Variants in PPIH observed in about 807,000 individuals in gnomAD.
PPIH encodes the protein peptidyl-prolyl cis-trans isomerase H.
Under a neutral mutation model 27.6 loss-of-function variants are expected in PPIH, and 16 were observed. The ratio of observed to expected loss-of-function variants is 0.58; its 90% confidence interval spans 0.39 to 0.88. PPIH has a LOEUF of 0.88. PPIH is among the 40% of genes least tolerant of loss of function. The pLI is 0.00. For synonymous variants in PPIH, 63 were observed against 76.1 expected, an observed-to-expected ratio of 0.83 and a Z score of 0.90; for missense variants, 155 against 224.1, an observed-to-expected ratio of 0.69 and a Z score of 1.97.
chr1:42,659,493 A>T lies in PPIH; in HGVS notation c.156-29A>T, dbSNP rs1367150686. On this transcript the variant is annotated intron_variant, in intron 3 of 9. Transcript: ENST00000304979. ...GAAAGGCCTTGTGCTACCTGCTGTCACTCCAAGTCTCTTTCTTTTCGGTTA... is the reference window on the plus strand; with the variant it reads ...GAAAGGCCTTGTGCTACCTGCTGTCTCTCCAAGTCTCTTTCTTTTCGGTTA... 1.9e-6 allele frequency: 3 copies of T among 1,613,878 alleles called. No homozygotes were observed. In the African/African-American group the frequency reaches 4.0e-5, roughly 22 times the overall value.
intron 6 of PPIH, among the ~76,000 whole-genome samples, chr1:42,665,505 A>G (rs1649282806): frequency 6.6e-6 from 1 of 152,190 alleles, no homozygotes; most frequent in Non-Finnish European, 1.5e-5. Flanking sequence ...GTGTCTGGGC[A>G]TTCAGCCCTA....
chr1:42,660,356 G>A (rs1018374465), intron 4 of PPIH, among the ~76,000 whole-genome samples: 16 of 152,096 alleles, frequency 1.1e-4, no homozygotes, highest in Non-Finnish European at 7.4e-5. Flanking sequence ...AATTTATAAC[G>A]AAAATCCTTT....
At chr1:42,677,143 G>A (rs1304244844), downstream of PPIH, among the ~76,000 whole-genome samples, 1 of 152,134 alleles carries the variant, frequency 6.6e-6, no homozygotes, top group African/African-American at 2.4e-5. Context: ...TGGATATGAA[G>A]GTAATTTGTA....
At chr1:42,660,056 C>G (rs904154066) in intron 4 of PPIH, among the ~76,000 whole-genome samples, 2 of 152,184 alleles carry the variant, frequency 1.3e-5, no homozygotes, top group African/African-American at 2.4e-5. Context: ...AGCTTTGGGT[C>G]TCTAATCCCC....
chr1:42,659,048 T>C, intron 2 of PPIH, 140 bp downstream of exon 2: 1 of 1,330,910 alleles, frequency 7.5e-7, no homozygotes, highest in South Asian at 1.3e-5. Context: ...CTCTGTCTGG[T>C]TGCCGTTTGG....
chr1:42,658,985 C>A, intron 2 of PPIH, 77 bp downstream of exon 2: 1 of 1,492,802 alleles, frequency 6.7e-7, no homozygotes, highest in Non-Finnish European at 9.3e-7. Context: ...AATAGCCTGT[C>A]TACCTCTGTC....
intron 9 of PPIH, among the ~76,000 whole-genome samples, chr1:42,672,347 GA>G (rs1649682923): frequency 1.3e-5 from 2 of 151,940 alleles, no homozygotes; most frequent in South Asian, 2.1e-4. Flanking sequence ...TAGGGGATAA[GA>G]GTCTATCTTT....
intron 9 of PPIH, among the ~76,000 whole-genome samples, chr1:42,671,013 C>G (rs1649605279): frequency 6.6e-6 from 1 of 152,126 alleles, no homozygotes; most frequent in African/African-American, 2.4e-5. Context: ...CCATGCTGGT[C>G]TTGAACTCCT....
At chr1:42,659,108 G>A (rs1648847824) in intron 2 of PPIH, 120 bp from the exon 3 acceptor site, 5 of 1,493,000 alleles carry the variant, frequency 3.3e-6, no homozygotes, top group Non-Finnish European at 2.8e-6. Flanking sequence ...TGCGTGTCTG[G>A]ACGTCTGGCT....
In PPIH at chr1:42,674,974, T is replaced by C. The variant is rs552909474; in HGVS notation, c.*22-1610T>C. Among the ~76,000 whole-genome samples, 6 of 152,322 alleles carry C rather than the reference T, an allele frequency of 3.9e-5. No homozygotes were observed. The South Asian group carries it at 1.2e-3, about 32-fold the overall frequency. On this transcript the variant is annotated intron_variant, in intron 9 of 9. Transcript: ENST00000304979. The stretch of plus-strand genomic sequence containing the variant: ...TACACACGTAGAGGTTCCATTCTCT[T>C]CAGTGGAATACTATACAGCCTTAAC...
rs571004648 is a variant in PPIH at position 42,663,504 on chromosome 1, G to A, written c.244-1359G>A. On this transcript the variant is annotated intron_variant, in intron 5 of 9. Coordinates refer to ENST00000304979, the MANE Select transcript of PPIH (RefSeq NM_006347.4). The stretch of plus-strand genomic sequence containing the variant: ...CTCCACCTCCCGGGTGGGTTCAAGC[G>A]ATTCTCGTGCCTCAGCCTCCCGAGT... Among the ~76,000 whole-genome samples, 8 of 152,108 alleles carry A rather than the reference G, an allele frequency of 5.3e-5. No individual in the cohort carries two copies. In the East Asian group the frequency reaches 7.7e-4, roughly 15 times the overall value.
intron 9 of PPIH, among the ~76,000 whole-genome samples, chr1:42,675,595 G>C (rs1471522639): frequency 6.6e-6 from 1 of 152,140 alleles, no homozygotes; most frequent in African/African-American, 2.4e-5. Flanking sequence ...TTGCTTGAGG[G>C]CCCACAGTTA....
At chr1:42,658,611 C>A in intron 1 of PPIH, 99 bp downstream of exon 1, 1 of 1,406,498 alleles carries the variant, frequency 7.1e-7, no homozygotes, top group Non-Finnish European at 1.0e-6. Context: ...GGAAGCCAGC[C>A]AGAAAGTGAA....
chr1:42,661,709 A>T (rs1649030178), intron 5 of PPIH, among the ~76,000 whole-genome samples: 1 of 152,168 alleles, frequency 6.6e-6, no homozygotes, highest in Admixed American at 6.5e-5. Flanking sequence ...TCTGAATCTC[A>T]TGAGTTTTTA....
chr1:42,668,295 ATT>A (rs1431483586), intron 9 of PPIH, among the ~76,000 whole-genome samples: 3 of 151,644 alleles, frequency 2.0e-5, no homozygotes, highest in African/African-American at 7.3e-5. Context: ...TTGCCTTGAC[ATT>A]TGTTTTTTTC....
At chr1:42,659,788 G>C (rs992676700) in intron 4 of PPIH, among the ~76,000 whole-genome samples, 1 of 152,110 alleles carries the variant, frequency 6.6e-6, no homozygotes. Context: ...ACAATATCTT[G>C]TCTTTTTCAT....
intron 9 of PPIH, among the ~76,000 whole-genome samples, chr1:42,674,197 G>A (rs552895500): frequency 1.7e-4 from 26 of 152,336 alleles, no homozygotes; most frequent in African/African-American, 5.8e-4. Flanking sequence ...ATAAATGCCC[G>A]GATCTTCCCA....
intron 9 of PPIH, among the ~76,000 whole-genome samples, chr1:42,668,338 T>C (rs2148719569): frequency 6.6e-6 from 1 of 152,108 alleles, no homozygotes; most frequent in Non-Finnish European, 1.5e-5. Context: ...CCCATTTCCA[T>C]TGCCTCTCCT....
downstream of PPIH, among the ~76,000 whole-genome samples, chr1:42,676,946 A>G (rs897297691): frequency 6.6e-6 from 1 of 151,980 alleles, no homozygotes; most frequent in Non-Finnish European, 1.5e-5. Context: ...TAGCAAACCT[A>G]ACTCTCTTAG....
Sources: gnomAD v4.1 joint callset for allele counts (sites outside exome capture counted in the v4.1 genomes callset) on GRCh38, gnomAD v4.1.1 for gene constraint, MANE v1.5 for transcripts, NCBI Gene and HGNC (gene_info 2026-07-23, HGNC 2026-07-21) for gene names.